The following RYR3 variants were observed in gnomAD, a reference collection of about 807,000 sequenced individuals.
The protein encoded by RYR3 is brain ryanodine receptor-calcium release channel.
RYR3 carries 207 observed loss-of-function variants against 584.3 expected under a neutral mutation model. The observed-to-expected ratio is 0.35, with a 90% CI of 0.32 to 0.40. RYR3 has a LOEUF of 0.40. RYR3 is among the 10% of genes least tolerant of loss of function. The pLI, the probability that RYR3 is intolerant of heterozygous loss-of-function variation, is 1.00. For missense variants in RYR3, 5,616 were observed against 6,089.2 expected (o/e 0.92, Z 2.59); for synonymous variants, 2,416 against 2,248.5 (o/e 1.07, Z -2.11).
In RYR3 at chr15:33,663,600, G is replaced by A. The variant is rs1196783900; in HGVS notation, c.5482G>A (p.Ala1828Thr). The A allele has an allele frequency of 1.2e-6, 2 of 1,613,724 alleles. No homozygotes were observed. The highest frequency in any genetic ancestry group is 1.1e-5 in the South Asian group (1 of 90,958). The change falls in exon 36 of 104, where the codon GCA becomes ACA. Residue 1828 changes from alanine (A) to threonine (T), a missense_variant. Ala to Thr is a moderately conservative substitution (Grantham distance 58). Coordinates refer to ENST00000634891, the MANE Select transcript of RYR3 (RefSeq NM_001036.6). ...GCAGCACCGAGTGGAGGCCATTGTG[G>A]CATTTGGTGACATTTATGTCTCCAA... ...ELQHRVEAIV[A>T]FGDIYVSKLQ... is the part of the protein sequence containing the mutation.
chr15:33,773,705 A>T, intron 64 of RYR3, 90 bp downstream of exon 64: 4 of 861,508 alleles, frequency 4.6e-6, no homozygotes, highest in Non-Finnish European at 5.7e-6. Context: ...ATTTCAATCC[A>T]GCAAGACCAA....
chr15:33,699,918 G>T, intron 41 of RYR3, 85 bp downstream of exon 41: 1 of 1,359,934 alleles, frequency 7.4e-7, no homozygotes, highest in Non-Finnish European at 1.0e-6. Flanking sequence ...ACAGGGAAAG[G>T]AGCCACATGC....
chr15:33,639,495 C>A (rs2061679205), intron 27 of RYR3, among the ~76,000 whole-genome samples: 1 of 152,142 alleles, frequency 6.6e-6, no homozygotes, highest in Non-Finnish European at 1.5e-5. Flanking sequence ...CAATTCTTGC[C>A]TTGAGTTGTT....
chr15:33,372,609 C>G (rs1349208263), intron 1 of RYR3, among the ~76,000 whole-genome samples: 4 of 152,118 alleles, frequency 2.6e-5, no homozygotes, highest in African/African-American at 9.7e-5. Flanking sequence ...TTGTGATCCA[C>G]CTGCCTCGGC....
chr15:33,383,234 T>A (rs2041329387), intron 1 of RYR3, among the ~76,000 whole-genome samples: 1 of 149,232 alleles, frequency 6.7e-6, no homozygotes, highest in Non-Finnish European at 1.5e-5. Flanking sequence ...AGGATATGCA[T>A]GTGAGAAAGG....
chr15:33,536,768 A>G (rs2055366451), intron 5 of RYR3, among the ~76,000 whole-genome samples: 1 of 152,196 alleles, frequency 6.6e-6, no homozygotes, highest in South Asian at 2.1e-4. Context: ...AGTGCTCCTG[A>G]GCTTATTATA....
At chr15:33,644,697 A>G (rs2062002479) in intron 28 of RYR3, among the ~76,000 whole-genome samples, 178 bp downstream of exon 28, 1 of 152,244 alleles carries the variant, frequency 6.6e-6, no homozygotes, top group African/African-American at 2.4e-5. Flanking sequence ...GGGACAGCTC[A>G]GTGGCATCTT....
At position 33,865,262 on chromosome 15, in the gene RYR3, C is replaced by A; in HGVS notation, c.*36C>A. 6.8e-7 allele frequency: 1 copy of A among 1,465,868 alleles called. No individual in the cohort carries two copies. The highest frequency in any genetic ancestry group is 9.5e-7 in the Non-Finnish European group (1 of 1,051,576). The allele number at this position is 1,465,868 out of a possible 1,614,324, so 90.8% of individuals were successfully genotyped here. A position where few individuals can be genotyped will look rare whatever the true frequency, so the allele number is the denominator to read the frequency against. Reference sequence around the variant, plus strand: ...AAGAAGCGCGACAATTCTGGACAGTCAACTTCCCATGAAATAAAGTCCCCT... The same window carrying A: ...AAGAAGCGCGACAATTCTGGACAGTAAACTTCCCATGAAATAAAGTCCCCT... On this transcript the variant is annotated 3_prime_UTR_variant, in exon 104 of 104. Coordinates refer to ENST00000634891, the MANE Select transcript of RYR3 (RefSeq NM_001036.6).
At chr15:33,781,864 G>C (rs2074406385) in intron 65 of RYR3, among the ~76,000 whole-genome samples, 1 of 151,718 alleles carries the variant, frequency 6.6e-6, no homozygotes, top group Admixed American at 6.6e-5. Flanking sequence ...AAAAAAGGGG[G>C]GGGGGATTTC....
intron 69 of RYR3, among the ~76,000 whole-genome samples, chr15:33,802,785 A>G (rs939279821): frequency 6.6e-6 from 1 of 152,186 alleles, no homozygotes; most frequent in Admixed American, 6.5e-5. Flanking sequence ...GTGAGGGTTG[A>G]TTTTATATGT....
chr15:33,580,884 T>C (rs2058555068), intron 13 of RYR3, among the ~76,000 whole-genome samples: 1 of 152,220 alleles, frequency 6.6e-6, no homozygotes, highest in African/African-American at 2.4e-5. Context: ...TCTCTATGAC[T>C]TAAAGGCTAC....
At chr15:33,717,859 A>G (rs896586327) in intron 43 of RYR3, among the ~76,000 whole-genome samples, 7 of 152,118 alleles carry the variant, frequency 4.6e-5, no homozygotes, top group Non-Finnish European at 1.0e-4. Flanking sequence ...CTCAATGGAT[A>G]GTTGAATTCA....
chr15:33,631,187 C>T (rs1318303240), intron 22 of RYR3, 23 bp from the exon 23 acceptor site: 10 of 1,481,436 alleles, frequency 6.8e-6, no homozygotes, highest in Non-Finnish European at 8.3e-6. Context: ...TAACCTTAGT[C>T]TTCTCCTTCT....
At position 33,821,295 on chromosome 15, in the gene RYR3, C is replaced by T. The variant is rs961633749; in HGVS notation, c.10841C>T (p.Thr3614Ile). 3.1e-6 allele frequency: 5 copies of T among 1,600,192 alleles called. No homozygotes were observed. The African/African-American group carries it at 4.0e-5, about 13-fold the overall frequency. ...GAGAAAGAGATGGAGAAGCAAAAAA[C>T]CCTCTATCAGCAAGCTCGGCTGCAT... is the stretch of plus-strand genomic sequence containing the variant. ...FEEKEMEKQK[T>I]LYQQARLHER... Residue 3614 changes from threonine (T) to isoleucine (I), a missense_variant, in exon 79 of 104, where the codon ACC becomes ATC. Transcript: ENST00000634891.
intron 52 of RYR3, among the ~76,000 whole-genome samples, chr15:33,743,964 G>T (rs1030340649): frequency 6.6e-6 from 1 of 152,152 alleles, no homozygotes; most frequent in Admixed American, 6.5e-5. Context: ...GTATGGCCTG[G>T]TAGGCACTGC....
In RYR3 at chr15:33,768,725, CA is replaced by C. The variant is rs1567133120; in HGVS notation, c.8755+20del. Reference sequence around the variant, plus strand: ...CCTCTTTGGTAAGTGAAGTGTTGCTCAAGGTACCGCTCCTCCCTGTAATTAT... The same window carrying C: ...CCTCTTTGGTAAGTGAAGTGTTGCTCAGGTACCGCTCCTCCCTGTAATTAT... On this transcript the variant is annotated intron_variant, in intron 61 of 103. Transcript: ENST00000634891. The C allele has an allele frequency of 6.2e-7, 1 of 1,612,016 alleles. No individual in the cohort carries two copies. Among genetic ancestry groups the C allele is most frequent in the Non-Finnish European group, 8.5e-7 (1 of 1,178,022 alleles).
chr15:33,638,218 G>T (rs976779242), intron 27 of RYR3, among the ~76,000 whole-genome samples: 1 of 152,166 alleles, frequency 6.6e-6, no homozygotes, highest in South Asian at 2.1e-4. Flanking sequence ...AGAAGGAATG[G>T]CCTGTGTGCT....
At chr15:33,526,506 C>T (rs1196142126) in intron 3 of RYR3, among the ~76,000 whole-genome samples, 2 of 152,180 alleles carry the variant, frequency 1.3e-5, no homozygotes, top group African/African-American at 4.8e-5. Context: ...TGTAGCATAT[C>T]ACACCTTTCC....
intron 76 of RYR3, among the ~76,000 whole-genome samples, chr15:33,818,978 C>A (rs1316847290): frequency 6.6e-5 from 10 of 152,140 alleles, no homozygotes; most frequent in African/African-American, 2.4e-4. Context: ...ACAAAATTAG[C>A]CGGGCATGGT....
Sources: allele counts gnomAD v4.1 joint callset (sites outside exome capture counted in the v4.1 genomes callset), GRCh38; gene constraint gnomAD v4.1.1; transcripts MANE v1.5; gene names NCBI Gene and HGNC (gene_info 2026-07-23, HGNC 2026-07-21).